The following USP8 variants were observed in gnomAD, a reference collection of about 807,000 sequenced individuals.
USP8 encodes ubiquitin carboxyl-terminal hydrolase 8.
Under a neutral mutation model 130.0 loss-of-function variants are expected in USP8, and 27 were observed. That is an observed-to-expected ratio of 0.21 (90% confidence interval 0.15 to 0.29). The LOEUF is 0.29. USP8 is among the 10% of genes least tolerant of loss of function. USP8 has a pLI of 1.00. For synonymous variants in USP8, 392 were observed against 444.1 expected (o/e 0.88, Z 1.48); for missense variants, 1,029 against 1,312.2 (o/e 0.78, Z 3.33).
rs2052708759 is a variant in USP8, at chr15:50,509,351, A to G, written c.*10263A>G. ...AACTTGGACGTCAATAGTAAGATTT[A>G]GAGAATAAGAGACAAGGCGGCCGGG... On this transcript the variant is annotated 3_prime_UTR_variant, in exon 20 of 20. Coordinates refer to ENST00000307179, the MANE Select transcript of USP8 (RefSeq NM_005154.5). 1 of 151,454 alleles carries G rather than the reference A, an allele frequency of 6.6e-6. No homozygotes were observed. Among genetic ancestry groups the G allele is most frequent in the African/African-American group, 2.4e-5 (1 of 41,178 alleles). The allele number at this position is 151,454 out of a possible 1,614,324, so 9.4% of individuals were successfully genotyped here. A position where few individuals can be genotyped will look rare whatever the true frequency, so the allele number is the denominator to read the frequency against.
rs1566874127 is a variant in USP8 at position 50,477,441 on chromosome 15, C to G, written c.1160C>G (p.Ser387Cys). 1 of 1,614,172 alleles carries G rather than the reference C, an allele frequency of 6.2e-7. No individual in the cohort carries two copies. ...ISTPVEPVAA[S>C]KSDVSPIIQP... ...ACTCCAGTTGAACCAGTTGCTGCTT[C>G]TAAATCTGATGTTTCACCCATAATT... is the stretch of plus-strand genomic sequence containing the variant. The change falls in exon 10 of 20, where the codon TCT (serine) becomes TGT (cysteine). Residue 387 changes from serine (S) to cysteine (C), a missense_variant. Around this residue, in one of 4 missense-constraint regions of USP8, gnomAD observed 486 missense variants for 522.0 expected, o/e 0.93. Transcript: ENST00000307179.
chr15:50,469,136 A>G (rs1479267376), intron 7 of USP8, among the ~76,000 whole-genome samples: 1 of 152,124 alleles, frequency 6.6e-6, no homozygotes, highest in Non-Finnish European at 1.5e-5. Context: ...TCTCATTGCC[A>G]TATGATGTTC....
At chr15:50,457,055 T>G (rs947177177) in intron 4 of USP8, among the ~76,000 whole-genome samples, 1 of 152,184 alleles carries the variant, frequency 6.6e-6, no homozygotes, top group African/African-American at 2.4e-5. Context: ...TGAATGATCT[T>G]ATTGATAGAT....
At chr15:50,451,617 A>G (rs1229935183) in intron 4 of USP8, among the ~76,000 whole-genome samples, 2 of 152,160 alleles carry the variant, frequency 1.3e-5, no homozygotes, top group Admixed American at 6.6e-5. Flanking sequence ...TTTTGCAGCT[A>G]GATGTGGAGA....
intron 8 of USP8, among the ~76,000 whole-genome samples, chr15:50,474,918 G>A (rs1566871584): frequency 6.6e-6 from 1 of 152,144 alleles, no homozygotes; most frequent in Non-Finnish European, 1.5e-5. Flanking sequence ...AGACCAGCCT[G>A]GCCAACATGG....
chr15:50,462,136 T>C (rs2051028414), intron 5 of USP8, 144 bp from the exon 6 acceptor site: 2 of 596,598 alleles, frequency 3.4e-6, no homozygotes, highest in Non-Finnish European at 2.9e-6. Flanking sequence ...AATATCATTA[T>C]TATTCGTCTG....
In USP8 at chr15:50,496,015, GTC is replaced by G; in HGVS notation, c.2828_2829del (p.Ser943Ter). On this transcript the variant is annotated frameshift_variant, in exon 17 of 20. Transcript: ENST00000307179. LOFTEE classifies it high-confidence loss of function. ...TVQCLTCHKKSRTFEAFMYLS... is the reference protein window; with the variant it reads ...TVQCLTCHKKXRTFEAFMYLS... ...TACAGTGCCTCACATGTCACAAAAA[GTC>G]TAGGACATTTGAGGCCTTCATGTAT... 6.2e-7 allele frequency: 1 copy of G among 1,614,016 alleles called. No homozygotes were observed. The highest frequency in any genetic ancestry group is 8.5e-7 in the Non-Finnish European group (1 of 1,180,018).
At chr15:50,471,498 C>A in intron 7 of USP8, 135 bp from the exon 8 acceptor site, 1 of 845,112 alleles carries the variant, frequency 1.2e-6, no homozygotes, top group Non-Finnish European at 1.8e-6. Flanking sequence ...AATATATAAC[C>A]TCACCTTAGA....
intron 15 of USP8, chr15:50,493,177 C>A: frequency 1.8e-6 from 1 of 550,484 alleles, no homozygotes. Flanking sequence ...GAGCCCTAAA[C>A]GGCACCTAAT....
chr15:50,454,989 G>C (rs1414252843), intron 4 of USP8, among the ~76,000 whole-genome samples: 2 of 143,114 alleles, frequency 1.4e-5, no homozygotes, highest in Non-Finnish European at 3.1e-5. Flanking sequence ...TGCCCAGGAT[G>C]GTTCTCCCTT....
rs774284490 is a variant in USP8 at position 50,498,892 on chromosome 15, G to A, written c.3172-11G>A. On this transcript the variant is annotated splice_polypyrimidine_tract_variant and intron_variant, in intron 19 of 19. Transcript: ENST00000307179. ...CTGAATTGATTTTTTTTTCTATCTT[G>A]TTTGGCACAGAATCACTACGGTGGG... 17 of 1,574,638 alleles carry A rather than the reference G, an allele frequency of 1.1e-5. No individual in the cohort carries two copies. The highest frequency in any genetic ancestry group is 1.3e-5 in the Non-Finnish European group (15 of 1,161,916).
At chr15:50,454,366 A>G (rs537650420) in intron 4 of USP8, among the ~76,000 whole-genome samples, 4 of 152,014 alleles carry the variant, frequency 2.6e-5, no homozygotes, top group South Asian at 2.1e-4. Context: ...ATTTTGTCCA[A>G]TGAATCCCTA....
At chr15:50,450,217 A>G (rs982189315) in intron 4 of USP8, among the ~76,000 whole-genome samples, 1 of 151,978 alleles carries the variant, frequency 6.6e-6, no homozygotes, top group African/African-American at 2.4e-5. Flanking sequence ...TAATATTTGT[A>G]AGTTTCTGGC....
chr15:50,427,706 C>T (rs1371128237), intron 1 of USP8, among the ~76,000 whole-genome samples: 2 of 151,436 alleles, frequency 1.3e-5, no homozygotes, highest in Non-Finnish European at 2.9e-5. Flanking sequence ...ACTATAGGCA[C>T]CTGCCACCAT....
chr15:50,473,804 G>GTATA (rs943537478), intron 8 of USP8, among the ~76,000 whole-genome samples: 23 of 148,644 alleles, frequency 1.5e-4, no homozygotes, highest in Admixed American at 2.7e-4. Flanking sequence ...GGGCATCTAA[G>GTATA]TATATATATA....
intron 6 of USP8, among the ~76,000 whole-genome samples, chr15:50,462,834 G>A (rs893015267): frequency 1.3e-5 from 2 of 152,100 alleles, no homozygotes; most frequent in African/African-American, 4.8e-5. Flanking sequence ...AGAATACATG[G>A]TAAACTTTAA....
intron 3 of USP8, among the ~76,000 whole-genome samples, chr15:50,448,173 A>G (rs1334734436): frequency 6.6e-6 from 1 of 152,208 alleles, no homozygotes; most frequent in Non-Finnish European, 1.5e-5. Flanking sequence ...GCAGCTCTTC[A>G]TGACTGAGAG....
Position 50,496,015 on chromosome 15 carries a change from G to T in USP8, c.2826G>T (p.Lys942Asn). ...TACAGTGCCTCACATGTCACAAAAA[G>T]TCTAGGACATTTGAGGCCTTCATGT... ...STVQCLTCHK[K>N]SRTFEAFMYL... The change falls in exon 17 of 20, where the codon AAG (lysine) becomes AAT (asparagine). Residue 942 changes from lysine (K) to asparagine (N), a missense_variant. Lys to Asn is a moderately conservative substitution (Grantham distance 94, BLOSUM62 0). Transcript: ENST00000307179. 6.2e-7 allele frequency: 1 copy of T among 1,614,016 alleles called. No homozygotes were observed. Among genetic ancestry groups the T allele is most frequent in the South Asian group, 1.1e-5 (1 of 91,070 alleles).
intron 4 of USP8, 105 bp from the exon 5 acceptor site, chr15:50,458,895 C>T: frequency 7.4e-7 from 1 of 1,357,430 alleles, no homozygotes; most frequent in Non-Finnish European, 1.0e-6. Flanking sequence ...AGCATATAGC[C>T]ATGAAATACC....
Sources: allele counts gnomAD v4.1 joint callset (sites outside exome capture counted in the v4.1 genomes callset), GRCh38; gene constraint gnomAD v4.1.1; regional missense constraint gnomAD v4.1.1; transcripts MANE v1.5; gene names NCBI Gene and HGNC (gene_info 2026-07-23, HGNC 2026-07-21).